Variants in ITGA6 observed in about 807,000 individuals in gnomAD.
The protein encoded by ITGA6 is integrin subunit alpha 6.
Under a neutral mutation model 133.6 loss-of-function variants are expected in ITGA6, and 63 were observed. The observed-to-expected ratio is 0.47, with a 90% CI of 0.38 to 0.58. The LOEUF (loss-of-function observed/expected upper bound fraction) is 0.58, where lower values mean the gene tolerates loss of function less well. Among genes scored for constraint, ITGA6 ranks in the 20% least tolerant of loss-of-function variants. The pLI is 0.00. For synonymous variants in ITGA6, 434 were observed against 482.0 expected (o/e 0.90, Z 1.30); for missense variants, 1,068 against 1,309.4 (o/e 0.82, Z 2.85).
chr2:172,446,498 A>G (rs1684773962), intron 1 of ITGA6, among the ~76,000 whole-genome samples: 1 of 152,234 alleles, frequency 6.6e-6, no homozygotes, highest in Non-Finnish European at 1.5e-5. Context: ...TTATTCCCAT[A>G]ACAGAAATTT....
At chr2:172,428,182 A>AT in intron 1 of ITGA6, 1 of 290,560 alleles carries the variant, frequency 3.4e-6, no homozygotes, top group Non-Finnish European at 6.2e-6. Flanking sequence ...GGGAAGGAGG[A>AT]GAACCCGAGG....
At chr2:172,472,770 A>T (rs1319315995) in intron 5 of ITGA6, 1 of 1,588,582 alleles carries the variant, frequency 6.3e-7, no homozygotes. Flanking sequence ...GTGCATGCGT[A>T]CAGGCCTGCT....
rs143545213 is a variant in ITGA6 at position 172,465,557 on chromosome 2, G to A, written c.201G>A (p.Pro67=). The A allele has an allele frequency of 7.1e-5, 115 of 1,614,192 alleles. No individual in the cohort carries two copies. In the African/African-American group the frequency reaches 9.9e-4, roughly 14 times the overall value. Residue 67 remains proline, a synonymous_variant, in exon 2 of 26, where the codon CCG becomes CCA. Transcript: ENST00000684293. ...TCAACAGGTTGCTCGTGGGGGCCCCGCGGGCAGAAGCGCTTCCACTGCAGA... is the reference window on the plus strand; with the variant it reads ...TCAACAGGTTGCTCGTGGGGGCCCCACGGGCAGAAGCGCTTCCACTGCAGA... ...EDKRLLLVGA[P]RAEALPLQRA...
chr2:172,482,501 AGCAAAGGTGGCCT>A (rs1364188867), intron 11 of ITGA6, among the ~76,000 whole-genome samples: 1 of 152,150 alleles, frequency 6.6e-6, no homozygotes, highest in East Asian at 1.9e-4. Flanking sequence ...TCAAGCAGTT[AGCAAAGGTGGCCT>A]GCAAAGATTT....
In ITGA6 at chr2:172,498,907, C is replaced by T. The variant is rs535700241; in HGVS notation, c.3114+807C>T. Among the ~76,000 whole-genome samples, 9 of 152,262 alleles carry T rather than the reference C, an allele frequency of 5.9e-5. No individual in the cohort carries two copies. The South Asian group carries it at 6.2e-4, about 11-fold the overall frequency. On this transcript the variant is annotated intron_variant, in intron 24 of 25. Transcript: ENST00000684293. ...GACGTGATGTGAAGAGAGGCTACTT[C>T]GAAGTCTTTATCCTTTATGATTAAT...
rs771492518 is a variant in ITGA6, at chr2:172,491,238, G to C, written c.2796G>C (p.Val932=). ...KYQTLNCSVN[V]NCVNIRCPLR... ...CTCTCTAGAACTGTAGCGTGAACGT[G>C]AACTGTGTGAACATCAGATGCCCGC... Residue 932 remains valine (V), a synonymous_variant, in exon 22 of 26, where the codon GTG becomes GTC. Coordinates refer to ENST00000684293, the MANE Select transcript of ITGA6 (RefSeq NM_000210.4). This position sits in a 1 kb window ranked among gnomAD's most constrained non-coding sequence, Gnocchi z 4.4. 3.2e-5 allele frequency: 51 copies of C among 1,609,986 alleles called. No individual in the cohort carries two copies. The highest frequency in any genetic ancestry group is 4.1e-5 in the Non-Finnish European group (48 of 1,176,306).
intron 1 of ITGA6, among the ~76,000 whole-genome samples, chr2:172,454,839 G>A (rs1685149642): frequency 6.6e-6 from 1 of 152,164 alleles, no homozygotes; most frequent in Non-Finnish European, 1.5e-5. Context: ...TCGCCCGCTG[G>A]CTTTACAGAT....
intron 5 of ITGA6, among the ~76,000 whole-genome samples, chr2:172,472,064 A>G (rs6723030): frequency 0.54 from 82,898 of 152,178 alleles, 24,164 homozygotes; most frequent in East Asian, 0.87. Flanking sequence ...GCTCACGCCT[A>G]TAATCCCAAC....
chr2:172,439,318 T>C (rs1027693547), intron 1 of ITGA6, among the ~76,000 whole-genome samples: 2 of 151,950 alleles, frequency 1.3e-5, no homozygotes, highest in Admixed American at 6.6e-5. Context: ...TGTTGAATTG[T>C]CAGGAGTGTA....
At chr2:172,454,760 G>C (rs1215451043) in intron 1 of ITGA6, among the ~76,000 whole-genome samples, 1 of 152,206 alleles carries the variant, frequency 6.6e-6, no homozygotes. Context: ...TAAAATCAGG[G>C]AAGTATCCTG....
chr2:172,445,668 A>G (rs1391700723), intron 1 of ITGA6, among the ~76,000 whole-genome samples: 95 of 146,784 alleles, frequency 6.5e-4, no homozygotes, highest in African/African-American at 2.1e-3. Flanking sequence ...AAAAAAAAAG[A>G]AAAAAAAAAG....
chr2:172,489,284 ACCTTTTTGT>A (rs1686821406), intron 19 of ITGA6, among the ~76,000 whole-genome samples, 192 bp from the exon 20 acceptor site: 7 of 152,246 alleles, frequency 4.6e-5, no homozygotes, highest in African/African-American at 1.7e-4. Context: ...TTGTCCTTTG[ACCTTTTTGT>A]TTTTATTTAC....
intron 24 of ITGA6, among the ~76,000 whole-genome samples, chr2:172,499,373 T>A (rs566285424): frequency 3.7e-4 from 37 of 100,308 alleles, no homozygotes; most frequent in African/African-American, 6.9e-4. Flanking sequence ...GAAAAAAAAA[T>A]TTTTTTTGAG....
rs55867175 is a variant in ITGA6, at chr2:172,475,481, A to C, written c.1181-116A>C. 0.062 allele frequency: 47,619 copies of C among 769,342 alleles called. 2,416 individuals are homozygous for C. The highest frequency in any genetic ancestry group is 0.24 in the East Asian group (9,544 of 40,120). 47.7% of individuals were successfully genotyped at this position (769,342 alleles called of 1,614,324 possible). A position where few individuals can be genotyped will look rare whatever the true frequency, so the allele number is the denominator to read the frequency against. Reference sequence around the variant, plus strand: ...TCCATCTCAAAAAAAACAAAAAAAAACCCCGAAAAAGCCAAACAAATAAAT... The same window carrying C: ...TCCATCTCAAAAAAAACAAAAAAAACCCCCGAAAAAGCCAAACAAATAAAT... On this transcript the variant is annotated intron_variant, in intron 7 of 25. Transcript: ENST00000684293.
At chr2:172,449,942 AAGAG>A (rs1462329446) in intron 1 of ITGA6, among the ~76,000 whole-genome samples, 174 of 147,228 alleles carry the variant, frequency 1.2e-3, no homozygotes, top group Middle Eastern at 3.5e-3. Context: ...AAAAAAAAAA[AAGAG>A]AGAGAAGAGG....
At chr2:172,464,890 A>G (rs1055728861) in intron 1 of ITGA6, among the ~76,000 whole-genome samples, 7 of 151,984 alleles carry the variant, frequency 4.6e-5, no homozygotes, top group African/African-American at 1.7e-4. Flanking sequence ...CAACTTGTAC[A>G]CCTCAAATAT....
chr2:172,441,542 T>G (rs1574322483), intron 1 of ITGA6, among the ~76,000 whole-genome samples: 2 of 109,302 alleles, frequency 1.8e-5, no homozygotes, highest in African/African-American at 3.7e-5. Flanking sequence ...GGTAACAGAG[T>G]GGAGACGCTG....
At chr2:172,443,693 A>T (rs925305659) in intron 1 of ITGA6, among the ~76,000 whole-genome samples, 3 of 152,224 alleles carry the variant, frequency 2.0e-5, no homozygotes, top group Admixed American at 1.3e-4. Flanking sequence ...TAAAATTAGA[A>T]TGGCTTGTTG....
rs200187345 is a variant in ITGA6 at position 172,474,940 on chromosome 2, T to C, written c.998T>C (p.Ile333Thr). Residue 333 changes from isoleucine to threonine, a missense_variant, in exon 7 of 26, where the codon ATA becomes ACA. Ile to Thr is a moderately conservative substitution (Grantham distance 89). This residue lies in a region of ITGA6 where 317 missense variants were observed against 456.9 expected (regional missense o/e 0.69). Transcript: ENST00000684293. ...CATTATGTTTTTAGGTGGCAAGATA[T>C]AGTTATTGGAGCCCCACAGTATTTT... ...VDLNKDGWQD[I>T]VIGAPQYFDR... 9 of 1,551,262 alleles carry C rather than the reference T, an allele frequency of 5.8e-6. No individual in the cohort carries two copies. Among genetic ancestry groups the C allele is most frequent in the Admixed American group, 3.3e-5 (2 of 59,952 alleles).
Sources: allele counts gnomAD v4.1 joint callset (sites outside exome capture counted in the v4.1 genomes callset), GRCh38; gene constraint gnomAD v4.1.1; regional missense constraint gnomAD v4.1.1; non-coding constraint Gnocchi (gnomAD v3.1); transcripts MANE v1.5; gene names NCBI Gene and HGNC (gene_info 2026-07-23, HGNC 2026-07-21).